The following NR6A1 variants were observed in gnomAD, a reference collection of about 807,000 sequenced individuals.
NR6A1 encodes retinoic acid receptor-related testis-associated receptor.
NR6A1 carries 7 observed loss-of-function variants against 59.1 expected under a neutral mutation model. The observed-to-expected ratio is 0.12, with a 90% CI of 0.07 to 0.22. NR6A1 has a LOEUF of 0.22. Among genes scored for constraint, NR6A1 ranks in the 10% least tolerant of loss-of-function variants. NR6A1 has a pLI of 1.00. For missense variants in NR6A1, 468 were observed against 611.6 expected, an observed-to-expected ratio of 0.77 and a Z score of 2.48; for synonymous variants, 243 against 236.1, an observed-to-expected ratio of 1.03 and a Z score of -0.27.
intron 9 of NR6A1, 142 bp from the exon 10 acceptor site, chr9:124,522,935 G>T: frequency 1.6e-6 from 1 of 626,486 alleles, no homozygotes; most frequent in Non-Finnish European, 2.8e-6. Context: ...CACAAAGGTT[G>T]GACACACTGG....
chr9:124,554,503 C>T lies in NR6A1; in HGVS notation c.210G>A (p.Leu70=). 7 of 1,614,228 alleles carry T rather than the reference C, an allele frequency of 4.3e-6. No individual in the cohort carries two copies. Among genetic ancestry groups the T allele is most frequent in the Non-Finnish European group, 5.9e-6 (7 of 1,180,032 alleles). ...CLICGDRATG[L]HYGIISCEGC... ...CCTCACAGGAGATGATCCCATAGTG[C>T]AAGCCTGTAGCGCGGTCCCCACAAA... is the stretch of plus-strand genomic sequence containing the variant. The change falls in exon 3 of 10, where the codon TTG becomes TTA. Residue 70 remains leucine, a synonymous_variant. Transcript: ENST00000487099.
chr9:124,640,103 C>A (rs529742617), intron 2 of NR6A1, among the ~76,000 whole-genome samples: 3 of 152,236 alleles, frequency 2.0e-5, no homozygotes, highest in East Asian at 1.9e-4. Flanking sequence ...ACATCCATGG[C>A]GTCCTAGGGT....
At chr9:124,534,066 A>AT (rs1833177966) in intron 7 of NR6A1, among the ~76,000 whole-genome samples, 1 of 147,894 alleles carries the variant, frequency 6.8e-6, no homozygotes, top group Admixed American at 6.7e-5. Context: ...ACTAAGCATT[A>AT]TAAGACTTTT....
At chr9:124,672,423 TGGC>T (rs1310166115) in intron 2 of NR6A1, among the ~76,000 whole-genome samples, 2 of 152,020 alleles carry the variant, frequency 1.3e-5, no homozygotes, top group African/African-American at 2.4e-5. Flanking sequence ...TAGACCAGCC[TGGC>T]CAACATAGTG....
chr9:124,524,667 T>C, intron 9 of NR6A1, 54 bp downstream of exon 9: 1 of 1,591,666 alleles, frequency 6.3e-7, no homozygotes, highest in Non-Finnish European at 8.6e-7. Context: ...CTCATTCCCT[T>C]CACAAGCTAA....
rs201615715 is a variant in NR6A1, at chr9:124,554,357, T to G, written c.356A>C (p.Lys119Thr). Reference sequence around the variant, plus strand: ...CCGGTTCATCCCCATCTGGAGGCATTTGAGCAGGCGGCAGTACTGGCACCT... The same window carrying G: ...CCGGTTCATCCCCATCTGGAGGCATGTGAGCAGGCGGCAGTACTGGCACCT... ...RNRCQYCRLL[K>T]CLQMGMNRKA... The change falls in exon 3 of 10, where the codon AAA becomes ACA. Residue 119 changes from lysine to threonine, a missense_variant. Physicochemically the swap from Lys to Thr is moderately conservative, Grantham distance 78. Around this residue, in one of 4 missense-constraint regions of NR6A1, gnomAD observed 66 missense variants for 139.2 expected, o/e 0.47. Transcript: ENST00000487099. 1 of 1,614,188 alleles carries G rather than the reference T, an allele frequency of 6.2e-7. No individual in the cohort carries two copies. The highest frequency in any genetic ancestry group is 1.1e-5 in the South Asian group (1 of 91,074).
chr9:124,688,905 A>C (rs1838429653), intron 2 of NR6A1, among the ~76,000 whole-genome samples: 2 of 152,234 alleles, frequency 1.3e-5, no homozygotes, highest in Admixed American at 6.5e-5. Context: ...AAATAATGTT[A>C]TCTAATTTAA....
intron 2 of NR6A1, among the ~76,000 whole-genome samples, chr9:124,577,486 A>G (rs531142583): frequency 1.6e-3 from 246 of 152,304 alleles, no homozygotes; most frequent in African/African-American, 5.5e-3. Flanking sequence ...TTCTCTAATT[A>G]CTTAGTTCTG....
intron 2 of NR6A1, chr9:124,599,118 C>A (rs1835371567): frequency 3.0e-6 from 2 of 677,888 alleles, no homozygotes; most frequent in Non-Finnish European, 2.8e-6. Context: ...CGGTTCTCTG[C>A]GGCAAATCAC....
At chr9:124,744,452 A>G (rs1417311656) in intron 1 of NR6A1, among the ~76,000 whole-genome samples, 1 of 152,232 alleles carries the variant, frequency 6.6e-6, no homozygotes, top group African/African-American at 2.4e-5. Context: ...CATTACATGG[A>G]AAGAGCCACA....
chr9:124,584,148 T>G lies in NR6A1; in HGVS notation c.143-29578A>C, dbSNP rs1834852440. On this transcript the variant is annotated intron_variant, in intron 2 of 9. Transcript: ENST00000487099. ...TCTCACTCTGTCACCCAGGCTGGAG[T>G]GCAGTGGGTGGCGCAATCTCAGCAT... Among the ~76,000 whole-genome samples, 4 of 147,904 alleles carry G rather than the reference T, an allele frequency of 2.7e-5. No homozygotes were observed. In the South Asian group the frequency reaches 8.6e-4, roughly 32 times the overall value.
Position 124,771,223 on chromosome 9 carries a change from G to A in NR6A1, c.-104C>T. On this transcript the variant is annotated 5_prime_UTR_variant, in exon 1 of 10. Transcript: ENST00000487099. Reference sequence around the variant, plus strand: ...GAGGGGAGGAGGTTGTCAGGAGCCCGCGAGCTCCCGGCCGCGGCTCTCTCT... The same window carrying A: ...GAGGGGAGGAGGTTGTCAGGAGCCCACGAGCTCCCGGCCGCGGCTCTCTCT... 1.7e-6 allele frequency: 1 copy of A among 593,044 alleles called. No homozygotes were observed. The highest frequency in any genetic ancestry group is 2.5e-6 in the Non-Finnish European group (1 of 404,592). The allele number at this position is 593,044 out of a possible 1,614,324, so 36.7% of individuals were successfully genotyped here.
intron 1 of NR6A1, among the ~76,000 whole-genome samples, chr9:124,749,420 G>A (rs1372975565): frequency 6.6e-6 from 1 of 152,128 alleles, no homozygotes; most frequent in Non-Finnish European, 1.5e-5. Context: ...TAGGGAATAG[G>A]ACCTTTTACT....
Position 124,702,569 on chromosome 9 carries a change from G to A in NR6A1, c.142+30739C>T, listed in dbSNP as rs182573570. 1.9e-3 allele frequency among the ~76,000 whole-genome samples: 295 copies of A among 152,152 alleles called. 2 individuals carry two copies. The highest frequency in any genetic ancestry group is 6.8e-3 in the African/African-American group (283 of 41,502). The stretch of plus-strand genomic sequence containing the variant: ...GTGGGGCCTAATGGGAGGTAGTTGG[G>A]TCATGAGGGTAGATCCCTCATGAAT... On this transcript the variant is annotated intron_variant, in intron 2 of 9. Transcript: ENST00000487099.
chr9:124,607,865 C>T (rs940970387), intron 2 of NR6A1, among the ~76,000 whole-genome samples: 4 of 151,988 alleles, frequency 2.6e-5, no homozygotes, highest in African/African-American at 7.2e-5. Context: ...GGCAACATAG[C>T]GTAACCCTGT....
intron 2 of NR6A1, among the ~76,000 whole-genome samples, chr9:124,710,368 T>C (rs1839240639): frequency 6.6e-6 from 1 of 152,180 alleles, no homozygotes; most frequent in Non-Finnish European, 1.5e-5. Flanking sequence ...TCAGAACTAT[T>C]ATAAACACCT....
intron 2 of NR6A1, among the ~76,000 whole-genome samples, chr9:124,672,564 G>A (rs1158333804): frequency 5.9e-5 from 9 of 151,726 alleles, no homozygotes; most frequent in East Asian, 1.9e-4. Flanking sequence ...GCAGTGAGCC[G>A]AGATCATGCC....
In NR6A1 at chr9:124,581,602, G is replaced by A. The variant is rs542745340; in HGVS notation, c.143-27032C>T. Among the ~76,000 whole-genome samples, 407 of 151,854 alleles carry A rather than the reference G, an allele frequency of 2.7e-3. 4 individuals carry two copies. Among genetic ancestry groups the A allele is most frequent in the African/African-American group, 9.6e-3 (397 of 41,436 alleles). ...CAAGACTCCGTCTCAAAAAACAAAC[G>A]AACAAACAAAAAGAAACTATCATCA... On this transcript the variant is annotated intron_variant, in intron 2 of 9. Transcript: ENST00000487099.
intron 2 of NR6A1, among the ~76,000 whole-genome samples, chr9:124,652,373 T>A (rs775306370): frequency 7.7e-4 from 117 of 152,188 alleles, no homozygotes; most frequent in Non-Finnish European, 3.4e-4. Context: ...CTAATCTCAT[T>A]ACTACCTGGC....
Sources: allele counts gnomAD v4.1 joint callset (sites outside exome capture counted in the v4.1 genomes callset), GRCh38; gene constraint gnomAD v4.1.1; regional missense constraint gnomAD v4.1.1; transcripts MANE v1.5; gene names NCBI Gene and HGNC (gene_info 2026-07-23, HGNC 2026-07-21).